The following ZDHHC2 variants were observed in gnomAD, a reference collection of about 807,000 sequenced individuals.
ZDHHC2 encodes palmitoyltransferase ZDHHC2.
Under a neutral mutation model 55.6 loss-of-function variants are expected in ZDHHC2, and 51 were observed. That is an observed-to-expected ratio of 0.92 (90% CI 0.73 to 1.16). ZDHHC2 has a LOEUF of 1.16. Ranked by LOEUF, ZDHHC2 falls within the 50% of genes most tolerant of loss-of-function variation. The pLI is 0.00. For synonymous variants in ZDHHC2, 199 were observed against 152.9 expected, an observed-to-expected ratio of 1.30 and a Z score of -2.22; for missense variants, 491 against 442.4, an observed-to-expected ratio of 1.11 and a Z score of -0.99.
chr8:17,188,628 T>C (rs1563153764), intron 3 of ZDHHC2, among the ~76,000 whole-genome samples: 1 of 152,296 alleles, frequency 6.6e-6, no homozygotes, highest in Non-Finnish European at 1.5e-5. Flanking sequence ...TCTCTTCTTA[T>C]ATACCTGCAT....
chr8:17,218,184 G>A (rs1807735651), intron 12 of ZDHHC2, among the ~76,000 whole-genome samples: 1 of 152,088 alleles, frequency 6.6e-6, no homozygotes, highest in African/African-American at 2.4e-5. Context: ...TGCTACAGTA[G>A]GTCAGACTGA....
chr8:17,213,432 A>T (rs1224543684), intron 10 of ZDHHC2, among the ~76,000 whole-genome samples: 1 of 151,946 alleles, frequency 6.6e-6, no homozygotes, highest in Admixed American at 6.6e-5. Context: ...TTGTATTTTT[A>T]GGAGAGATGG....
At chr8:17,209,033 C>T (rs1807243254) in intron 8 of ZDHHC2, among the ~76,000 whole-genome samples, 2 of 152,114 alleles carry the variant, frequency 1.3e-5, no homozygotes, top group African/African-American at 4.8e-5. Flanking sequence ...CATTATACCT[C>T]CATGTTCATA....
intron 10 of ZDHHC2, among the ~76,000 whole-genome samples, chr8:17,214,208 C>G (rs555538330): frequency 2.4e-4 from 37 of 152,168 alleles, no homozygotes; most frequent in African/African-American, 8.7e-4. Context: ...CTTTTTCATG[C>G]CATCCAATAT....
At chr8:17,165,107 G>C (rs998891081) in intron 1 of ZDHHC2, among the ~76,000 whole-genome samples, 37 of 152,192 alleles carry the variant, frequency 2.4e-4, no homozygotes, top group Admixed American at 1.2e-3. Flanking sequence ...GTCCACTCCA[G>C]AACAGCTGAG....
At chr8:17,195,967 T>G (rs1257280222) in intron 4 of ZDHHC2, among the ~76,000 whole-genome samples, 2 of 152,202 alleles carry the variant, frequency 1.3e-5, no homozygotes, top group Non-Finnish European at 2.9e-5. Flanking sequence ...TATATTTAAT[T>G]TAAGGCAGCA....
intron 2 of ZDHHC2, among the ~76,000 whole-genome samples, chr8:17,185,840 T>A (rs888468945): frequency 6.6e-6 from 1 of 152,212 alleles, no homozygotes; most frequent in African/African-American, 2.4e-5. Context: ...TTTGTCCAGA[T>A]GTTCTCCATT....
At chr8:17,179,103 A>G (rs1585668805) in intron 1 of ZDHHC2, among the ~76,000 whole-genome samples, 1 of 152,216 alleles carries the variant, frequency 6.6e-6, no homozygotes, top group African/African-American at 2.4e-5. Flanking sequence ...GGTGGGCACC[A>G]CTATGCCTGG....
At chr8:17,190,126 A>G (rs767389542) in intron 3 of ZDHHC2, among the ~76,000 whole-genome samples, 18 of 152,086 alleles carry the variant, frequency 1.2e-4, no homozygotes, top group Non-Finnish European at 1.9e-4. Context: ...AAAGTTTTGT[A>G]TATGAGGTAC....
intron 1 of ZDHHC2, among the ~76,000 whole-genome samples, chr8:17,160,451 C>T (rs1440403049): frequency 1.3e-5 from 2 of 152,172 alleles, no homozygotes; most frequent in Non-Finnish European, 2.9e-5. Context: ...CCAGGCTAAC[C>T]CCTTCTGTAT....
rs1210818143 is a variant in ZDHHC2 at position 17,197,586 on chromosome 8, C to T, written c.378C>T (p.Ile126=). ...PIYTRTMSGA[I]RYCDRCQLIK... ...AGTGGAGCTTTTTGTCCCTAGCCAT[C>T]CGATACTGTGACAGATGCCAACTTA... The change falls in exon 5 of 13, where the codon ATC becomes ATT. Residue 126 remains isoleucine, a synonymous_variant. Coordinates refer to ENST00000262096, the MANE Select transcript of ZDHHC2 (RefSeq NM_016353.5). The T allele has an allele frequency of 6.2e-7, 1 of 1,613,574 alleles. No homozygotes were observed. Among genetic ancestry groups the T allele is most frequent in the Admixed American group, 1.7e-5 (1 of 59,994 alleles).
intron 7 of ZDHHC2, among the ~76,000 whole-genome samples, chr8:17,206,574 T>C (rs887480657): frequency 3.3e-5 from 5 of 152,228 alleles, no homozygotes; most frequent in African/African-American, 1.2e-4. Context: ...ATTTTCTTTA[T>C]GTGTAAGAAG....
chr8:17,206,836 A>G lies in ZDHHC2; in HGVS notation c.597+1061A>G, dbSNP rs76422635. 4.6e-3 allele frequency among the ~76,000 whole-genome samples: 694 copies of G among 152,292 alleles called. 9 individuals are homozygous for G. The highest frequency in any genetic ancestry group is 0.015 in the African/African-American group (640 of 41,558). Reference sequence around the variant, plus strand: ...TATCTTTATTATGGTAAGAATTTCTAAATTGCTAGATCACTTATGTGAGAT... The same window carrying G: ...TATCTTTATTATGGTAAGAATTTCTGAATTGCTAGATCACTTATGTGAGAT... On this transcript the variant is annotated intron_variant, in intron 7 of 12. Transcript: ENST00000262096.
rs370151314 is a variant in ZDHHC2 at position 17,218,699 on chromosome 8, C to T, written c.*34+1453C>T. The stretch of plus-strand genomic sequence containing the variant: ...TTAATTCAAATATGGCATGATTAGG[C>T]ATAATCACAAAATGGCAGCATGAAT... On this transcript the variant is annotated intron_variant, in intron 12 of 12. Transcript: ENST00000262096. Among the ~76,000 whole-genome samples, 8 of 152,208 alleles carry T rather than the reference C, an allele frequency of 5.3e-5. No homozygotes were observed. The East Asian group carries it at 1.5e-3, about 29-fold the overall frequency.
chr8:17,176,565 G>A (rs966926231), intron 1 of ZDHHC2, among the ~76,000 whole-genome samples: 4 of 152,012 alleles, frequency 2.6e-5, no homozygotes, highest in Admixed American at 1.3e-4. Flanking sequence ...TTAAAGCGCC[G>A]CTCAGCTGAG....
chr8:17,219,782 A>G (rs1807830511), intron 12 of ZDHHC2, among the ~76,000 whole-genome samples: 1 of 151,142 alleles, frequency 6.6e-6, no homozygotes. Flanking sequence ...CCTGTCTCAA[A>G]AAACAAAACA....
At chr8:17,203,167 C>T (rs1025177090) in intron 6 of ZDHHC2, among the ~76,000 whole-genome samples, 1 of 149,446 alleles carries the variant, frequency 6.7e-6, no homozygotes, top group Non-Finnish European at 1.5e-5. Flanking sequence ...TCAAGCAGTT[C>T]TTCTACCACA....
intron 1 of ZDHHC2, among the ~76,000 whole-genome samples, chr8:17,166,168 C>T (rs772511226): frequency 5.9e-5 from 9 of 152,058 alleles, no homozygotes; most frequent in South Asian, 2.1e-4. Context: ...TCTTTCTGGC[C>T]GCTGTGGACC....
At chr8:17,178,075 T>C (rs1173689827) in intron 1 of ZDHHC2, among the ~76,000 whole-genome samples, 1 of 152,200 alleles carries the variant, frequency 6.6e-6, no homozygotes, top group Non-Finnish European at 1.5e-5. Flanking sequence ...TTGTCTATTA[T>C]GAAGGTGTAG....
Sources: gnomAD v4.1 joint callset for allele counts (sites outside exome capture counted in the v4.1 genomes callset) on GRCh38, gnomAD v4.1.1 for gene constraint, MANE v1.5 for transcripts, NCBI Gene and HGNC (gene_info 2026-07-23, HGNC 2026-07-21) for gene names.